MAPK8IP3: variants seen among roughly 807,000 people sequenced by gnomAD.
The protein encoded by MAPK8IP3 is mitogen-activated protein kinase 8 interacting protein 3, also known as C-Jun-amino-terminal kinase-interacting protein 3.
MAPK8IP3 carries 49 observed loss-of-function variants against 157.8 expected under a neutral mutation model. The ratio of observed to expected loss-of-function variants is 0.31; its 90% CI spans 0.25 to 0.39. The LOEUF (loss-of-function observed/expected upper bound fraction) is 0.39. MAPK8IP3 is among the 10% of genes least tolerant of loss of function. The pLI, the probability that MAPK8IP3 is intolerant of heterozygous loss-of-function variation, is 1.00. For synonymous variants in MAPK8IP3, 897 were observed against 777.7 expected (o/e 1.15, Z -2.55); for missense variants, 1,478 against 1,889.4 (o/e 0.78, Z 4.04).
At chr16:1,737,485 T>C (rs2040065857) in intron 4 of MAPK8IP3, among the ~76,000 whole-genome samples, 1 of 90,774 alleles carries the variant, frequency 1.1e-5, no homozygotes. Context: ...TGTGTGACCG[T>C]CCGTGTGAGC....
intron 12 of MAPK8IP3, 100 bp from the exon 13 acceptor site, chr16:1,761,124 C>A: frequency 1.1e-6 from 1 of 946,342 alleles, no homozygotes; most frequent in Non-Finnish European, 1.7e-6. Context: ...CAGCCCTGCA[C>A]AGAGGCAAGG....
chr16:1,769,927 C>T lies in MAPK8IP3; in HGVS notation c.*1103C>T, dbSNP rs1596830648. 2 of 152,414 alleles carry T rather than the reference C, an allele frequency of 1.3e-5. No homozygotes were observed. Among genetic ancestry groups the T allele is most frequent in the Admixed American group, 6.5e-5 (1 of 15,306 alleles). 9.4% of individuals were successfully genotyped at this position (152,414 alleles called of 1,614,324 possible). A position where few individuals can be genotyped will look rare whatever the true frequency, so the allele number is the denominator to read the frequency against. On this transcript the variant is annotated 3_prime_UTR_variant, in exon 32 of 32. Transcript: ENST00000610761. ...ACTCCAAGCCCGCAGAGGGCAGACG[C>T]CACCCTGGACTGCTCTCCCTGCCCA...
Position 1,751,879 on chromosome 16 carries a change from T to G in MAPK8IP3, c.1216+3159T>G, listed in dbSNP as rs1454473629. ...CCAGCTGCAGCGTGTCAGTGCCTCC[T>G]GGCTTTTCACTGCTGAGTAGTGCCC... On this transcript the variant is annotated intron_variant, in intron 8 of 31. Transcript: ENST00000610761. The surrounding 1 kb of genome is among the most constrained non-coding windows in gnomAD (Gnocchi z 5.0). 6.6e-6 allele frequency: 1 copy of G among 152,332 alleles called. No individual in the cohort carries two copies. Among genetic ancestry groups the G allele is most frequent in the Non-Finnish European group, 1.5e-5 (1 of 68,096 alleles). The allele number at this position is 152,332 out of a possible 1,614,324, so 9.4% of individuals were successfully genotyped here. A position where few individuals can be genotyped will look rare whatever the true frequency, so the allele number is the denominator to read the frequency against.
In MAPK8IP3 at chr16:1,713,201, G is replaced by A. The variant is rs533638978; in HGVS notation, c.318+6544G>A. ...CAGTAGCTGCTGGCCACATAGGGCC[G>A]TTGAGCATTTTAGGCATGACTCATG... On this transcript the variant is annotated intron_variant, in intron 1 of 31. Coordinates refer to ENST00000610761, the MANE Select transcript of MAPK8IP3 (RefSeq NM_001318852.2). Among the ~76,000 whole-genome samples, 12 of 152,310 alleles carry A rather than the reference G, an allele frequency of 7.9e-5. No homozygotes were observed. The East Asian group carries it at 1.9e-3, about 24-fold the overall frequency.
chr16:1,706,294 C>A lies in MAPK8IP3; in HGVS notation c.-46C>A, dbSNP rs1257075109. On this transcript the variant is annotated 5_prime_UTR_variant, in exon 1 of 32. Coordinates refer to ENST00000610761, the MANE Select transcript of MAPK8IP3 (RefSeq NM_001318852.2). The surrounding 1 kb of genome is among the most constrained non-coding windows in gnomAD (Gnocchi z 5.1). ...CCTGAGGCAGCTGGGGAGGGCCGGG[C>A]GCGCCGGCCGGATAGCGAGCCGCGC... The A allele has an allele frequency of 6.7e-7, 1 of 1,483,960 alleles. No individual in the cohort carries two copies. The highest frequency in any genetic ancestry group is 9.0e-7 in the Non-Finnish European group (1 of 1,116,204). 91.9% of individuals were successfully genotyped at this position (1,483,960 alleles called of 1,614,324 possible). A position where few individuals can be genotyped will look rare whatever the true frequency, so the allele number is the denominator to read the frequency against.
intron 1 of MAPK8IP3, among the ~76,000 whole-genome samples, chr16:1,719,349 A>C (rs879131886): frequency 6.6e-6 from 1 of 152,196 alleles, no homozygotes; most frequent in East Asian, 1.9e-4. Context: ...GACAGGTGAA[A>C]TGCATAACCA....
Position 1,742,570 on chromosome 16 carries a change from A to G in MAPK8IP3, c.603-762A>G, listed in dbSNP as rs2040746436. On this transcript the variant is annotated intron_variant, in intron 4 of 31. Transcript: ENST00000610761. This position sits in a 1 kb window ranked among gnomAD's most constrained non-coding sequence, Gnocchi z 5.0. ...AGATATTTTGCAGTGAGGCAGCCTC[A>G]TGAACAGGAGTAATGAGGATGGGCA... Among the ~76,000 whole-genome samples the G allele has an allele frequency of 1.3e-5, 2 of 152,178 alleles. No homozygotes were observed. Among genetic ancestry groups the G allele is most frequent in the Admixed American group, 6.5e-5 (1 of 15,274 alleles).
chr16:1,709,270 G>C (rs551408610), intron 1 of MAPK8IP3, among the ~76,000 whole-genome samples: 12 of 152,360 alleles, frequency 7.9e-5, no homozygotes, highest in African/African-American at 2.6e-4. Flanking sequence ...AGGAGCTAGA[G>C]AGGGTGGGGT....
rs1265589536 is a variant in MAPK8IP3, at chr16:1,768,720, G to A, written c.3910G>A (p.Glu1304Lys). The A allele has an allele frequency of 1.2e-6, 2 of 1,612,540 alleles. No individual in the cohort carries two copies. Among genetic ancestry groups the A allele is most frequent in the East Asian group, 4.5e-5 (2 of 44,870 alleles). ...GCCCGCAGGAGACGGAGAGGACGACGAGACGGAGGAGGGCGCAGGGGACAT... is the reference window on the plus strand; with the variant it reads ...GCCCGCAGGAGACGGAGAGGACGACAAGACGGAGGAGGGCGCAGGGGACAT... ...DFRIGDGEDD[E>K]TEEGAGDMSQ... Residue 1304 changes from glutamate to lysine, a missense_variant, in exon 32 of 32, where the codon GAG (glutamate) becomes AAG (lysine). This residue lies in a region of MAPK8IP3 where 133 missense variants were observed against 133.4 expected (regional missense o/e 1.00). Transcript: ENST00000610761.
chr16:1,709,742 A>G (rs1464173149), intron 1 of MAPK8IP3, among the ~76,000 whole-genome samples: 2 of 152,266 alleles, frequency 1.3e-5, no homozygotes, highest in East Asian at 1.9e-4. Context: ...AGGGCCGGGC[A>G]GAGCCACCAC....
intron 4 of MAPK8IP3, among the ~76,000 whole-genome samples, chr16:1,737,788 G>T (rs1455384727): frequency 1.1e-5 from 1 of 89,660 alleles, no homozygotes; most frequent in Non-Finnish European, 2.1e-5. Context: ...GACCATCCAT[G>T]TGAGCATCCA....
intron 29 of MAPK8IP3, 42 bp from the exon 30 acceptor site, chr16:1,768,157 A>C (rs759652079): frequency 1.2e-6 from 2 of 1,611,580 alleles, no homozygotes; most frequent in African/African-American, 2.7e-5. Context: ...CCCACTCTCC[A>C]CCTGTATGCG....
In MAPK8IP3 at chr16:1,759,000, G is replaced by A; in HGVS notation, c.1246+5G>A. 6.2e-7 allele frequency: 1 copy of A among 1,614,194 alleles called. No individual in the cohort carries two copies. The highest frequency in any genetic ancestry group is 8.5e-7 in the Non-Finnish European group (1 of 1,180,022). ...TAGTGCGCGATGATTTCTTTGGTAA[G>A]GCTGAGGCCCCGTTCCAGCGTGCGT... On this transcript the variant is annotated splice_donor_5th_base_variant and intron_variant, in intron 10 of 31. Transcript: ENST00000610761.
chr16:1,757,085 G>A (rs867546116), intron 8 of MAPK8IP3, among the ~76,000 whole-genome samples: 4 of 152,118 alleles, frequency 2.6e-5, no homozygotes, highest in Non-Finnish European at 5.9e-5. Context: ...ACAAACAGCC[G>A]TTTTGTCATC....
intron 1 of MAPK8IP3, chr16:1,707,996 T>G (rs2037509355): frequency 6.6e-6 from 1 of 152,244 alleles, no homozygotes; most frequent in African/African-American, 2.4e-5. Context: ...CCTCCTTTCC[T>G]GTGGTTTCTA....
chr16:1,759,567 G>T (rs901168636), intron 10 of MAPK8IP3, among the ~76,000 whole-genome samples: 3 of 152,206 alleles, frequency 2.0e-5, no homozygotes, highest in Non-Finnish European at 4.4e-5. Context: ...CCTGCCGTGA[G>T]GGCCAGGCCT....
At chr16:1,748,911 G>C (rs764138754) in intron 8 of MAPK8IP3, 191 bp downstream of exon 8, 82 of 729,630 alleles carry the variant, frequency 1.1e-4, no homozygotes, top group Non-Finnish European at 1.8e-4. Flanking sequence ...TTTCTGGACT[G>C]CCCCAAGGAT....
Position 1,742,265 on chromosome 16 carries a change from G to A in MAPK8IP3, c.603-1067G>A, listed in dbSNP as rs1053922421. 9.9e-5 allele frequency among the ~76,000 whole-genome samples: 15 copies of A among 152,172 alleles called. No homozygotes were observed. The highest frequency in any genetic ancestry group is 3.1e-4 in the African/African-American group (13 of 41,432). On this transcript the variant is annotated intron_variant, in intron 4 of 31. Coordinates refer to ENST00000610761, the MANE Select transcript of MAPK8IP3 (RefSeq NM_001318852.2). This position sits in a 1 kb window ranked among gnomAD's most constrained non-coding sequence, Gnocchi z 5.0. ...AGGAGGACGTAAAGGGAGACCTTGG[G>A]CTCCATCCCTGCTCTTGCTTATGGC...
At chr16:1,734,686 G>T (rs2039543628) in intron 4 of MAPK8IP3, among the ~76,000 whole-genome samples, 1 of 152,248 alleles carries the variant, frequency 6.6e-6, no homozygotes, top group Non-Finnish European at 1.5e-5. Flanking sequence ...CTGGACACCT[G>T]CTCTCTCTTC....
Sources: allele counts gnomAD v4.1 joint callset (sites outside exome capture counted in the v4.1 genomes callset), GRCh38; gene constraint gnomAD v4.1.1; regional missense constraint gnomAD v4.1.1; non-coding constraint Gnocchi (gnomAD v3.1); transcripts MANE v1.5; gene names NCBI Gene and HGNC (gene_info 2026-07-23, HGNC 2026-07-21).